MAGI1: variants seen among roughly 807,000 people sequenced by gnomAD.
MAGI1 encodes membrane-associated guanylate kinase, WW and PDZ domain-containing protein 1.
MAGI1 carries 58 observed loss-of-function variants against 139.9 expected under a neutral mutation model. The observed-to-expected ratio is 0.41, with a 90% CI of 0.34 to 0.52. MAGI1 has a LOEUF of 0.52. Among genes scored for constraint, MAGI1 ranks in the 20% least tolerant of loss-of-function variants. The pLI is 0.12. For missense variants in MAGI1, 1,874 were observed against 1,901.6 expected (o/e 0.99, Z 0.27); for synonymous variants, 812 against 737.9 (o/e 1.10, Z -1.63).
intron 1 of MAGI1, among the ~76,000 whole-genome samples, chr3:65,980,202 T>C (rs561328528): frequency 6.6e-6 from 1 of 152,300 alleles, no homozygotes; most frequent in East Asian, 1.9e-4. Flanking sequence ...ACTGGACAAA[T>C]TACTTAGCCT....
intron 1 of MAGI1, among the ~76,000 whole-genome samples, chr3:65,762,591 C>A (rs1344570541): frequency 6.6e-6 from 1 of 152,000 alleles, no homozygotes; most frequent in Non-Finnish European, 1.5e-5. Flanking sequence ...TAAGCAGGGC[C>A]CAGGGAAACA....
At chr3:65,636,961 G>A (rs2084663117) in intron 1 of MAGI1, among the ~76,000 whole-genome samples, 1 of 152,252 alleles carries the variant, frequency 6.6e-6, no homozygotes, top group African/African-American at 2.4e-5. Flanking sequence ...TAAGCCCATT[G>A]CAGGCTTTGC....
chr3:65,578,499 T>A (rs898827205), intron 2 of MAGI1, among the ~76,000 whole-genome samples: 1 of 152,216 alleles, frequency 6.6e-6, no homozygotes, highest in Non-Finnish European at 1.5e-5. Flanking sequence ...TTCCCACTTG[T>A]GGCATCTAGC....
intron 2 of MAGI1, among the ~76,000 whole-genome samples, chr3:65,603,345 T>G (rs1373426594): frequency 1.3e-5 from 2 of 152,150 alleles, no homozygotes; most frequent in Admixed American, 6.5e-5. Context: ...CCAAAAAATA[T>G]ATATAGCACA....
chr3:65,786,761 G>T (rs13325917), intron 1 of MAGI1, among the ~76,000 whole-genome samples: 1 of 151,698 alleles, frequency 6.6e-6, no homozygotes, highest in Admixed American at 6.6e-5. Context: ...ACAGGCGCCC[G>T]CCACCACGCC....
intron 3 of MAGI1, among the ~76,000 whole-genome samples, chr3:65,492,807 T>A (rs1952137571): frequency 6.6e-6 from 1 of 152,148 alleles, no homozygotes; most frequent in African/African-American, 2.4e-5. Flanking sequence ...ATTTTTAAAA[T>A]AATTTGCTTT....
intron 1 of MAGI1, among the ~76,000 whole-genome samples, chr3:65,746,997 G>A (rs1332515346): frequency 6.6e-6 from 1 of 152,160 alleles, no homozygotes; most frequent in East Asian, 1.9e-4. Flanking sequence ...GCCTTGATGA[G>A]GCACATTTAG....
intron 2 of MAGI1, among the ~76,000 whole-genome samples, chr3:65,575,166 A>G (rs1447837077): frequency 6.6e-6 from 1 of 152,106 alleles, no homozygotes; most frequent in Non-Finnish European, 1.5e-5. Context: ...ACATATCTGA[A>G]AAAGGTCTTA....
intron 2 of MAGI1, among the ~76,000 whole-genome samples, chr3:65,572,777 C>A (rs2081015688): frequency 6.6e-6 from 1 of 151,518 alleles, no homozygotes; most frequent in African/African-American, 2.4e-5. Context: ...AATCAAAGGC[C>A]CATAGCAGGT....
intron 1 of MAGI1, among the ~76,000 whole-genome samples, chr3:65,980,827 A>T (rs949702144): frequency 1.3e-5 from 2 of 152,206 alleles, no homozygotes; most frequent in African/African-American, 4.8e-5. Context: ...AATCTAAATA[A>T]TTACAATTAA....
At chr3:65,956,099 G>A (rs756698906) in intron 1 of MAGI1, among the ~76,000 whole-genome samples, 3 of 152,104 alleles carry the variant, frequency 2.0e-5, no homozygotes, top group Admixed American at 1.3e-4. Context: ...AGGATATATC[G>A]ACTTTTGACG....
At chr3:65,851,064 G>T (rs532470417) in intron 1 of MAGI1, among the ~76,000 whole-genome samples, 2 of 152,016 alleles carry the variant, frequency 1.3e-5, no homozygotes, top group African/African-American at 2.4e-5. Context: ...CCGAGATCAC[G>T]CCACTGCACT....
At chr3:65,459,465 T>C (rs1193622060) in intron 5 of MAGI1, among the ~76,000 whole-genome samples, 1 of 152,220 alleles carries the variant, frequency 6.6e-6, no homozygotes, top group Non-Finnish European at 1.5e-5. Flanking sequence ...TATGCTTATC[T>C]TTTATCTTGC....
At chr3:65,905,934 T>C (rs945703896) in intron 1 of MAGI1, among the ~76,000 whole-genome samples, 1 of 152,226 alleles carries the variant, frequency 6.6e-6, no homozygotes, top group Admixed American at 6.5e-5. Context: ...GAAAGAGTTC[T>C]CCAAGTGTTT....
chr3:65,764,706 T>C lies in MAGI1; in HGVS notation c.314-142618A>G, dbSNP rs116177200. ...CTTCCTTTTTCTTTTTCTTTTTTTT[T>C]CTTTAAGCATCTTCTTTAGAATACA... On this transcript the variant is annotated intron_variant, in intron 1 of 22. Transcript: ENST00000402939. Among the ~76,000 whole-genome samples, 962 of 152,300 alleles carry C rather than the reference T, an allele frequency of 6.3e-3. 11 individuals are homozygous for C. The highest frequency in any genetic ancestry group is 0.022 in the African/African-American group (906 of 41,566).
intron 2 of MAGI1, among the ~76,000 whole-genome samples, chr3:65,610,300 C>A (rs1178967795): frequency 2.6e-5 from 4 of 152,042 alleles, no homozygotes; most frequent in African/African-American, 9.7e-5. Context: ...GTTAATGAAA[C>A]CTGTATTAGC....
At chr3:65,862,003 G>C (rs1478115060) in intron 1 of MAGI1, among the ~76,000 whole-genome samples, 3 of 152,072 alleles carry the variant, frequency 2.0e-5, no homozygotes, top group Non-Finnish European at 4.4e-5. Flanking sequence ...TCTCTAATTG[G>C]CACCACCAGG....
rs566940573 is a variant in MAGI1, at chr3:65,582,719, C to T, written c.430+39253G>A. Among the ~76,000 whole-genome samples, 6 of 152,268 alleles carry T rather than the reference C, an allele frequency of 3.9e-5. 1 individual carries two copies. In the East Asian group the frequency reaches 1.2e-3, roughly 29 times the overall value. ...CACCAAGGCCACTACGACCCCAAAG[C>T]CTCATGGAAGTCACCTCAGCAGTCA... On this transcript the variant is annotated intron_variant, in intron 2 of 22. Coordinates refer to ENST00000402939, the MANE Select transcript of MAGI1 (RefSeq NM_001033057.2).
intron 7 of MAGI1, among the ~76,000 whole-genome samples, chr3:65,447,583 C>T (rs1948753740): frequency 6.6e-6 from 1 of 152,206 alleles, no homozygotes; most frequent in Admixed American, 6.5e-5. Context: ...TATAATGTTC[C>T]TTAAACTAGT....
Sources: allele counts gnomAD v4.1 joint callset (sites outside exome capture counted in the v4.1 genomes callset), GRCh38; gene constraint gnomAD v4.1.1; transcripts MANE v1.5; gene names NCBI Gene and HGNC (gene_info 2026-07-23, HGNC 2026-07-21).